Variants in SSBP2 observed in about 807,000 individuals in gnomAD.
SSBP2 encodes single-stranded DNA-binding protein 2.
Under a neutral mutation model 61.8 loss-of-function variants are expected in SSBP2, and 17 were observed. That is an observed-to-expected ratio of 0.28 (90% CI 0.19 to 0.41). The LOEUF (loss-of-function observed/expected upper bound fraction) is 0.41. Ranked by LOEUF, SSBP2 falls within the 10% of genes least tolerant of loss-of-function variation. The pLI is 1.00. For missense variants in SSBP2, 310 were observed against 458.7 expected (o/e 0.68, Z 2.96); for synonymous variants, 139 against 141.3 (o/e 0.98, Z 0.12).
chr5:81,646,481 T>C (rs1042577222), intron 2 of SSBP2, among the ~76,000 whole-genome samples: 15 of 152,074 alleles, frequency 9.9e-5, no homozygotes, highest in African/African-American at 3.6e-4. Context: ...ATTGTTTTTT[T>C]ACTACTCAGA....
intron 4 of SSBP2, among the ~76,000 whole-genome samples, chr5:81,540,235 T>C (rs888967609): frequency 6.6e-6 from 1 of 152,240 alleles, no homozygotes; most frequent in Admixed American, 6.5e-5. Flanking sequence ...CAGCATGATT[T>C]ACAATCCTTT....
intron 1 of SSBP2, among the ~76,000 whole-genome samples, chr5:81,682,632 A>T (rs564996559): frequency 6.6e-6 from 1 of 152,302 alleles, no homozygotes; most frequent in South Asian, 2.1e-4. Context: ...GTTCCCTCTT[A>T]CCACTGCTTT....
intron 1 of SSBP2, among the ~76,000 whole-genome samples, chr5:81,663,304 G>A (rs1414386346): frequency 6.6e-6 from 1 of 152,102 alleles, no homozygotes; most frequent in Non-Finnish European, 1.5e-5. Context: ...CCGTATGTAT[G>A]TATGTATATA....
intron 4 of SSBP2, among the ~76,000 whole-genome samples, chr5:81,590,896 G>A (rs940263633): frequency 2.6e-5 from 4 of 152,154 alleles, no homozygotes; most frequent in Non-Finnish European, 5.9e-5. Context: ...AAACCAGGAC[G>A]TCCCCTAACT....
chr5:81,636,000 G>A (rs978820009), intron 3 of SSBP2, among the ~76,000 whole-genome samples: 1 of 152,154 alleles, frequency 6.6e-6, no homozygotes, highest in South Asian at 2.1e-4. Context: ...TTGAGGGGGT[G>A]GGCATTACCA....
intron 3 of SSBP2, among the ~76,000 whole-genome samples, 170 bp from the exon 4 acceptor site, chr5:81,615,727 G>T (rs971901956): frequency 5.3e-5 from 8 of 152,042 alleles, no homozygotes; most frequent in Non-Finnish European, 1.2e-4. Context: ...CAATAACAGT[G>T]TTACCATCTA....
intron 1 of SSBP2, among the ~76,000 whole-genome samples, chr5:81,702,421 A>G (rs1402891791): frequency 6.6e-6 from 1 of 152,188 alleles, no homozygotes; most frequent in African/African-American, 2.4e-5. Flanking sequence ...AGAAGAGGAC[A>G]AAAGCTATAG....
intron 1 of SSBP2, among the ~76,000 whole-genome samples, chr5:81,708,785 T>C (rs1399615781): frequency 5.9e-5 from 9 of 151,940 alleles, no homozygotes; most frequent in African/African-American, 2.2e-4. Flanking sequence ...TAGGAGTGAG[T>C]TGAGTATCAG....
At chr5:81,606,631 A>G (rs1744905326) in intron 4 of SSBP2, among the ~76,000 whole-genome samples, 1 of 152,226 alleles carries the variant, frequency 6.6e-6, no homozygotes, top group African/African-American at 2.4e-5. Flanking sequence ...AAAAACAGGT[A>G]GCTTCCATTT....
chr5:81,751,379 G>C (rs1292190149), upstream of SSBP2: 7 of 464,468 alleles, frequency 1.5e-5, no homozygotes, highest in Non-Finnish European at 2.8e-5. Flanking sequence ...CGCAAGGGGG[G>C]AATTAGAAAC....
chr5:81,437,943 G>A (rs1007846227), intron 14 of SSBP2: 1 of 152,056 alleles, frequency 6.6e-6, no homozygotes, highest in African/African-American at 2.4e-5. Flanking sequence ...TTAAAAAGTT[G>A]ATAGCAATGA....
At chr5:81,750,263 GC>G (rs1757645087) in intron 1 of SSBP2, among the ~76,000 whole-genome samples, 1 of 29,624 alleles carries the variant, frequency 3.4e-5, no homozygotes, top group Non-Finnish European at 7.4e-5. Flanking sequence ...CCCAGCCCCA[GC>G]CCCAGCCCCG....
chr5:81,528,632 A>G (rs1770144888), intron 4 of SSBP2, among the ~76,000 whole-genome samples: 2 of 152,094 alleles, frequency 1.3e-5, no homozygotes, highest in African/African-American at 2.4e-5. Context: ...ACATGGTTTT[A>G]AACATCATTT....
chr5:81,692,076 T>A (rs1753244770), intron 1 of SSBP2, among the ~76,000 whole-genome samples: 1 of 152,178 alleles, frequency 6.6e-6, no homozygotes. Flanking sequence ...ATTATCCTTG[T>A]CTGCAGATGA....
At chr5:81,424,715 A>G (rs970676767) in intron 16 of SSBP2, among the ~76,000 whole-genome samples, 6 of 152,214 alleles carry the variant, frequency 3.9e-5, no homozygotes, top group Non-Finnish European at 8.8e-5. Context: ...ATGGGCAAGC[A>G]AAAAGGAATT....
intron 4 of SSBP2, among the ~76,000 whole-genome samples, chr5:81,607,722 GAAATTGT>G (rs1745016545): frequency 6.6e-6 from 1 of 152,064 alleles, no homozygotes; most frequent in Non-Finnish European, 1.5e-5. Flanking sequence ...TTTCTAAAAT[GAAATTGT>G]GCCCTACAAA....
rs1247191856 is a variant in SSBP2, at chr5:81,418,638, C to A, written c.*1866G>T. 6.6e-6 allele frequency: 1 copy of A among 152,152 alleles called. No individual in the cohort carries two copies. The highest frequency in any genetic ancestry group is 2.4e-5 in the African/African-American group (1 of 41,444). The allele number at this position is 152,152 out of a possible 1,614,324, so 9.4% of individuals were successfully genotyped here. On this transcript the variant is annotated 3_prime_UTR_variant, in exon 17 of 17. Transcript: ENST00000320672. ...CCTAGATGGTATAGGCTCCTACACA[C>A]CTAGGCTATATAATATAAACTATTG...
intron 1 of SSBP2, among the ~76,000 whole-genome samples, chr5:81,748,577 T>C (rs538686841): frequency 6.6e-6 from 1 of 152,302 alleles, no homozygotes; most frequent in African/African-American, 2.4e-5. Context: ...ACCTAGAAAT[T>C]AATGCAACGA....
At chr5:81,465,721 T>TA (rs996217554) in intron 9 of SSBP2, among the ~76,000 whole-genome samples, 2 of 152,066 alleles carry the variant, frequency 1.3e-5, no homozygotes, top group African/African-American at 4.8e-5. Context: ...ATCCTATTGG[T>TA]AAGAGCTTCA....
Sources: allele counts gnomAD v4.1 joint callset (sites outside exome capture counted in the v4.1 genomes callset), GRCh38; gene constraint gnomAD v4.1.1; transcripts MANE v1.5; gene names NCBI Gene and HGNC (gene_info 2026-07-23, HGNC 2026-07-21).